The following PCSK6 variants were observed in gnomAD, a reference collection of about 807,000 sequenced individuals.
The protein encoded by PCSK6 is proprotein convertase subtilisin/kexin type 6, also known as paired basic amino acid cleaving enzyme 4.
Under a neutral mutation model 123.3 loss-of-function variants are expected in PCSK6, and 85 were observed. The observed-to-expected ratio is 0.69, with a 90% CI of 0.58 to 0.83. The LOEUF (loss-of-function observed/expected upper bound fraction) is 0.83. Among genes scored for constraint, PCSK6 ranks in the 40% least tolerant of loss-of-function variants. The pLI is 0.00. For synonymous variants in PCSK6, 508 were observed against 516.0 expected, an observed-to-expected ratio of 0.98 and a Z score of 0.21; for missense variants, 1,191 against 1,282.3, an observed-to-expected ratio of 0.93 and a Z score of 1.09.
intron 1 of PCSK6, among the ~76,000 whole-genome samples, chr15:101,475,335 A>C (rs563917366): frequency 6.6e-6 from 1 of 152,362 alleles, no homozygotes; most frequent in African/African-American, 2.4e-5. Flanking sequence ...AATGAAAAGC[A>C]ACGTACTTAA....
chr15:101,441,385 C>T (rs1474753776), intron 2 of PCSK6, among the ~76,000 whole-genome samples: 3 of 152,082 alleles, frequency 2.0e-5, no homozygotes, highest in Non-Finnish European at 4.4e-5. Context: ...TCTGCTGCCT[C>T]AGCCTGCCTT....
At chr15:101,365,461 A>C (rs1339018337) in intron 13 of PCSK6, among the ~76,000 whole-genome samples, 2 of 152,208 alleles carry the variant, frequency 1.3e-5, no homozygotes, top group African/African-American at 4.8e-5. Context: ...GCTGGCCGGA[A>C]TGTAAAAGGG....
chr15:101,442,880 C>G (rs551171917), intron 2 of PCSK6, among the ~76,000 whole-genome samples: 1 of 152,274 alleles, frequency 6.6e-6, no homozygotes, highest in East Asian at 1.9e-4. Flanking sequence ...GCCCTGCCGC[C>G]AGCTCCACGG....
At chr15:101,306,078 G>A (rs2141326259) in intron 21 of PCSK6, among the ~76,000 whole-genome samples, 1 of 152,066 alleles carries the variant, frequency 6.6e-6, no homozygotes, top group East Asian at 1.9e-4. Flanking sequence ...GACGGGCCTG[G>A]AGGCAGGAGG....
chr15:101,384,804 C>T (rs1245494603), intron 9 of PCSK6, among the ~76,000 whole-genome samples: 3 of 152,178 alleles, frequency 2.0e-5, no homozygotes, highest in African/African-American at 7.2e-5. Context: ...TACAACAGTG[C>T]ATAAGAGTAC....
intron 13 of PCSK6, among the ~76,000 whole-genome samples, chr15:101,348,215 G>T (rs536813778): frequency 1.3e-5 from 2 of 152,344 alleles, no homozygotes; most frequent in Non-Finnish European, 2.9e-5. Context: ...GGGAACGTCA[G>T]CAGCCATTCC....
chr15:101,427,156 G>A lies in PCSK6; in HGVS notation c.823+736C>T, dbSNP rs540034637. 6.6e-5 allele frequency among the ~76,000 whole-genome samples: 10 copies of A among 152,358 alleles called. 1 individual carries two copies. The South Asian group carries it at 1.7e-3, about 25-fold the overall frequency. On this transcript the variant is annotated intron_variant, in intron 6 of 21. Transcript: ENST00000611716. Reference sequence around the variant, plus strand: ...CCAAAGCCTCATCCTAGCAAGGGCAGCTTGACTGAGCAGTGTGAGAAGCTA... The same window carrying A: ...CCAAAGCCTCATCCTAGCAAGGGCAACTTGACTGAGCAGTGTGAGAAGCTA...
rs934031862 is a variant in PCSK6, at chr15:101,325,048, T to C, written c.2181-2A>G. On this transcript the variant is annotated splice_acceptor_variant, in intron 16 of 21. Transcript: ENST00000611716. LOFTEE classifies it high-confidence loss of function. Reference sequence around the variant, plus strand: ...AAGGGGCACACACTCACGCACTTCCTGTAGGAGCAAAGGCAGGAGGGTGAG... The same window carrying C: ...AAGGGGCACACACTCACGCACTTCCCGTAGGAGCAAAGGCAGGAGGGTGAG... 5 of 1,601,276 alleles carry C rather than the reference T, an allele frequency of 3.1e-6. No homozygotes were observed. Among genetic ancestry groups the C allele is most frequent in the South Asian group, 1.1e-5 (1 of 90,668 alleles).
At position 101,393,406 on chromosome 15, in the gene PCSK6, A is replaced by T. The variant is rs1481138119; in HGVS notation, c.1015T>A (p.Ser339Thr). 5 of 1,602,660 alleles carry T rather than the reference A, an allele frequency of 3.1e-6. No homozygotes were observed. The highest frequency in any genetic ancestry group is 4.3e-6 in the Non-Finnish European group (5 of 1,175,436). ...GIKKGRQGLG[S>T]IFVWASGNGG... ...TTCCCAGATGCCCAGACGAAAATGGAGCCCAGGCCCTGCCGGCCCTGGAGG... is the reference window on the plus strand; with the variant it reads ...TTCCCAGATGCCCAGACGAAAATGGTGCCCAGGCCCTGCCGGCCCTGGAGG... Residue 339 changes from serine (S) to threonine (T), a missense_variant, in exon 8 of 22, where the codon TCC becomes ACC. By Grantham distance (58) the Ser-to-Thr change is moderately conservative. This residue lies in a region of PCSK6 where 357 missense variants were observed against 484.5 expected (regional missense o/e 0.74). Coordinates refer to ENST00000611716, the MANE Select transcript of PCSK6 (RefSeq NM_002570.5).
chr15:101,364,137 G>A (rs1165833765), intron 13 of PCSK6, among the ~76,000 whole-genome samples: 2 of 152,164 alleles, frequency 1.3e-5, no homozygotes, highest in South Asian at 2.1e-4. Flanking sequence ...TGTTTATGGA[G>A]AACTGGAAAA....
chr15:101,326,018 T>A (rs2040244021), intron 16 of PCSK6, among the ~76,000 whole-genome samples: 1 of 152,226 alleles, frequency 6.6e-6, no homozygotes, highest in African/African-American at 2.4e-5. Context: ...TCCCCTGAGC[T>A]GGCCTGTGAG....
intron 6 of PCSK6, among the ~76,000 whole-genome samples, chr15:101,409,378 G>A (rs1405267361): frequency 1.3e-5 from 2 of 152,126 alleles, no homozygotes; most frequent in African/African-American, 4.8e-5. Context: ...GAGGTCAGGA[G>A]ATCGAGACCA....
intron 15 of PCSK6, among the ~76,000 whole-genome samples, chr15:101,329,106 G>T (rs567649479): frequency 6.6e-6 from 1 of 152,170 alleles, no homozygotes; most frequent in African/African-American, 2.4e-5. Flanking sequence ...CATACAAGGG[G>T]GGCTCCGTTC....
At chr15:101,321,374 C>T (rs1197939620) in intron 18 of PCSK6, among the ~76,000 whole-genome samples, 1 of 152,178 alleles carries the variant, frequency 6.6e-6, no homozygotes, top group Non-Finnish European at 1.5e-5. Flanking sequence ...GTCCTCTTCT[C>T]CCCAGTACTC....
intron 10 of PCSK6, 50 bp downstream of exon 10, chr15:101,384,272 C>T (rs1333414084): frequency 1.1e-5 from 17 of 1,597,994 alleles, no homozygotes; most frequent in Non-Finnish European, 1.4e-5. Flanking sequence ...ACACCCCTTC[C>T]TACACATTCC....
rs531989261 is a variant in PCSK6, at chr15:101,440,057, T to A, written c.402+3499A>T. Among the ~76,000 whole-genome samples, 4 of 152,336 alleles carry A rather than the reference T, an allele frequency of 2.6e-5. No homozygotes were observed. The South Asian group carries it at 6.2e-4, about 24-fold the overall frequency. The stretch of plus-strand genomic sequence containing the variant: ...GGAACATAATCAGAACAAGTAATTT[T>A]AAAAAAATTTGTGAGCCCTTTCAGT... On this transcript the variant is annotated intron_variant, in intron 2 of 21. Coordinates refer to ENST00000611716, the MANE Select transcript of PCSK6 (RefSeq NM_002570.5).
chr15:101,341,252 T>G (rs560416602), intron 13 of PCSK6, among the ~76,000 whole-genome samples: 2 of 149,068 alleles, frequency 1.3e-5, no homozygotes, highest in East Asian at 3.9e-4. Context: ...TGTGGGGTTT[T>G]TTTTTTTTTT....
At chr15:101,381,660 C>T (rs1323009442) in intron 11 of PCSK6, among the ~76,000 whole-genome samples, 1 of 152,220 alleles carries the variant, frequency 6.6e-6, no homozygotes, top group African/African-American at 2.4e-5. Context: ...ACTGCAGACT[C>T]CCAGGGCCAG....
chr15:101,466,895 C>T (rs1356062554), intron 1 of PCSK6, among the ~76,000 whole-genome samples: 1 of 151,966 alleles, frequency 6.6e-6, no homozygotes, highest in Non-Finnish European at 1.5e-5. Flanking sequence ...GCATTTCTTT[C>T]TGGGGTGATG....
Sources: gnomAD v4.1 joint callset for allele counts (sites outside exome capture counted in the v4.1 genomes callset) on GRCh38, gnomAD v4.1.1 for gene constraint, gnomAD v4.1.1 regional missense constraint, MANE v1.5 for transcripts, NCBI Gene and HGNC (gene_info 2026-07-23, HGNC 2026-07-21) for gene names.